GNAQ: variants seen among roughly 807,000 people sequenced by gnomAD.
GNAQ encodes the protein guanine nucleotide-binding protein G(q) subunit alpha.
GNAQ carries 8 observed loss-of-function variants against 43.9 expected under a neutral mutation model. That is an observed-to-expected ratio of 0.18 (90% CI 0.11 to 0.33). The LOEUF is 0.33. GNAQ is among the 10% of genes least tolerant of loss of function. The probability of loss-of-function intolerance (pLI) is 1.00; values close to 1 mark genes in which losing one functional copy is unlikely to be tolerated. For synonymous variants in GNAQ, 155 were observed against 170.7 expected (o/e 0.91, Z 0.71); for missense variants, 158 against 450.8 (o/e 0.35, Z 5.88).
At chr9:77,752,500 A>G (rs1825826845) in intron 5 of GNAQ, among the ~76,000 whole-genome samples, 1 of 152,208 alleles carries the variant, frequency 6.6e-6, no homozygotes. Context: ...GTTCATTCAC[A>G]TCCAATCTCC....
intron 5 of GNAQ, among the ~76,000 whole-genome samples, chr9:77,736,219 C>T (rs1179032078): frequency 9.2e-5 from 14 of 152,170 alleles, no homozygotes; most frequent in East Asian, 5.8e-4. Flanking sequence ...AGATTCTCCA[C>T]CCGTTAAAGG....
At chr9:77,734,276 C>T (rs1303278323) in intron 5 of GNAQ, among the ~76,000 whole-genome samples, 1 of 152,180 alleles carries the variant, frequency 6.6e-6, no homozygotes, top group Non-Finnish European at 1.5e-5. Flanking sequence ...TCACAAAACG[C>T]ACTTCTTTTC....
At chr9:77,914,831 A>AC (rs1256140493) in intron 2 of GNAQ, among the ~76,000 whole-genome samples, 1 of 144,788 alleles carries the variant, frequency 6.9e-6, no homozygotes, top group East Asian at 1.9e-4. Flanking sequence ...TGAACACCAA[A>AC]AAAAAAAAAA....
chr9:77,725,725 G>A (rs1825387892), intron 6 of GNAQ, among the ~76,000 whole-genome samples: 1 of 152,094 alleles, frequency 6.6e-6, no homozygotes, highest in African/African-American at 2.4e-5. Flanking sequence ...GGAAGATGGT[G>A]CAGAGATCAA....
chr9:77,731,761 A>G (rs1587887873), intron 5 of GNAQ, among the ~76,000 whole-genome samples: 1 of 152,336 alleles, frequency 6.6e-6, no homozygotes, highest in East Asian at 1.9e-4. Context: ...GACCGCATTG[A>G]GCTGGAAGGT....
intron 1 of GNAQ, among the ~76,000 whole-genome samples, chr9:77,961,249 A>T (rs895871747): frequency 2.0e-5 from 3 of 152,182 alleles, no homozygotes; most frequent in Non-Finnish European, 2.9e-5. Flanking sequence ...CAAATAAGGT[A>T]AATCCTAGGA....
intron 2 of GNAQ, among the ~76,000 whole-genome samples, chr9:77,877,192 T>C (rs1333953413): frequency 6.6e-6 from 1 of 152,200 alleles, no homozygotes; most frequent in Non-Finnish European, 1.5e-5. Flanking sequence ...CCAATGCTTG[T>C]CTTGTAAACC....
chr9:78,024,819 C>T (rs1418631886), intron 1 of GNAQ, among the ~76,000 whole-genome samples: 1 of 151,836 alleles, frequency 6.6e-6, no homozygotes, highest in Admixed American at 6.6e-5. Context: ...GAAACTGTTC[C>T]TTCTTAAGTT....
At chr9:77,922,381 G>C in intron 1 of GNAQ, 36 bp from the exon 2 acceptor site, 1 of 1,472,592 alleles carries the variant, frequency 6.8e-7, no homozygotes, top group Non-Finnish European at 9.4e-7. Flanking sequence ...TCAGACCACA[G>C]TGCCATCTCA....
Position 77,862,306 on chromosome 9 carries a change from G to A in GNAQ, c.322-46536C>T, listed in dbSNP as rs116293518. Among the ~76,000 whole-genome samples the A allele has an allele frequency of 8.9e-3, 1,351 of 152,222 alleles. 15 individuals are homozygous for A. Among genetic ancestry groups the A allele is most frequent in the Middle Eastern group, 0.034 (10 of 294 alleles). On this transcript the variant is annotated intron_variant, in intron 2 of 6. Coordinates refer to ENST00000286548, the MANE Select transcript of GNAQ (RefSeq NM_002072.5). The stretch of plus-strand genomic sequence containing the variant: ...CACATTTCCCTTCCGCCCTGCCCTA[G>A]GAGAGGTTCTCCATGAGGGCCCCAC...
intron 2 of GNAQ, among the ~76,000 whole-genome samples, chr9:77,914,187 TAAAAGAG>T (rs1828857409): frequency 1.3e-5 from 2 of 152,114 alleles, no homozygotes; most frequent in South Asian, 4.1e-4. Context: ...TGCAAGATAT[TAAAAGAG>T]AAAAGAAATT....
At chr9:77,827,059 G>C (rs1186118939) in intron 2 of GNAQ, among the ~76,000 whole-genome samples, 5 of 152,030 alleles carry the variant, frequency 3.3e-5, no homozygotes, top group African/African-American at 1.2e-4. Context: ...TAATTATAGT[G>C]ATTATTTTAT....
chr9:77,776,957 A>T (rs1208710422), intron 5 of GNAQ, among the ~76,000 whole-genome samples: 1 of 152,068 alleles, frequency 6.6e-6, no homozygotes, highest in Non-Finnish European at 1.5e-5. Flanking sequence ...CTTAAAGAAG[A>T]ATATAGGTGA....
intron 1 of GNAQ, among the ~76,000 whole-genome samples, chr9:77,983,965 T>C (rs1466994166): frequency 6.7e-6 from 1 of 150,006 alleles, no homozygotes; most frequent in Non-Finnish European, 1.5e-5. Flanking sequence ...ATCTAACACG[T>C]TGTGCTTTTA....
chr9:77,748,942 T>C (rs1825771598), intron 5 of GNAQ, among the ~76,000 whole-genome samples: 1 of 152,078 alleles, frequency 6.6e-6, no homozygotes, highest in African/African-American at 2.4e-5. Flanking sequence ...GAATGACTCC[T>C]CAGGGTAAGA....
intron 2 of GNAQ, among the ~76,000 whole-genome samples, chr9:77,895,105 G>C (rs891363298): frequency 4.0e-5 from 6 of 151,080 alleles, no homozygotes; most frequent in African/African-American, 1.2e-4. Context: ...GGATGAGGCA[G>C]GAGAATGGCA....
intron 2 of GNAQ, among the ~76,000 whole-genome samples, chr9:77,885,749 T>C (rs1409852683): frequency 1.3e-5 from 2 of 151,778 alleles, no homozygotes; most frequent in Non-Finnish European, 2.9e-5. Flanking sequence ...ACTTTTTTTT[T>C]TAATGAGATT....
At chr9:77,816,011 G>A (rs904032707) in intron 2 of GNAQ, among the ~76,000 whole-genome samples, 12 of 152,088 alleles carry the variant, frequency 7.9e-5, no homozygotes, top group Admixed American at 5.9e-4. Flanking sequence ...ACTAGAGGAA[G>A]GTGGCGTATT....
At chr9:77,856,967 G>C (rs753034049) in intron 2 of GNAQ, among the ~76,000 whole-genome samples, 27 of 152,206 alleles carry the variant, frequency 1.8e-4, no homozygotes, top group Non-Finnish European at 2.9e-4. Context: ...AGGTGTTAGT[G>C]CCATCTGGAC....
Sources: allele counts gnomAD v4.1 joint callset (sites outside exome capture counted in the v4.1 genomes callset), GRCh38; gene constraint gnomAD v4.1.1; transcripts MANE v1.5; gene names NCBI Gene and HGNC (gene_info 2026-07-23, HGNC 2026-07-21).